Variants in ADGRB3 observed in about 807,000 individuals in gnomAD.
The protein encoded by ADGRB3 is adhesion G protein-coupled receptor B3.
ADGRB3 carries 37 observed loss-of-function variants against 193.4 expected under a neutral mutation model. The ratio of observed to expected loss-of-function variants is 0.19; its 90% CI spans 0.15 to 0.25. The LOEUF (loss-of-function observed/expected upper bound fraction) is 0.25, where lower values mean the gene tolerates loss of function less well. Ranked by LOEUF, ADGRB3 falls within the 10% of genes least tolerant of loss-of-function variation. The pLI, the probability that ADGRB3 is intolerant of heterozygous loss-of-function variation, is 1.00. For missense variants in ADGRB3, 1,637 were observed against 1,852.9 expected (o/e 0.88, Z 2.14); for synonymous variants, 690 against 644.2 (o/e 1.07, Z -1.08).
At chr6:69,244,050 T>A (rs1454602385) in intron 20 of ADGRB3, among the ~76,000 whole-genome samples, 1 of 151,958 alleles carries the variant, frequency 6.6e-6, no homozygotes, top group Non-Finnish European at 1.5e-5. Context: ...TCTAAATTAT[T>A]TGGGGTGGTC....
chr6:69,170,281 C>T (rs1775238291), intron 17 of ADGRB3, among the ~76,000 whole-genome samples: 4 of 152,222 alleles, frequency 2.6e-5, no homozygotes, highest in Admixed American at 2.6e-4. Context: ...GATAAAAAGC[C>T]TAGATCTAGA....
chr6:68,791,267 T>C (rs1197220624), intron 3 of ADGRB3, among the ~76,000 whole-genome samples: 1 of 152,158 alleles, frequency 6.6e-6, no homozygotes, highest in Non-Finnish European at 1.5e-5. Flanking sequence ...CCTGTGCCCA[T>C]ATGCACGTAA....
At chr6:68,860,623 A>T (rs1337419548) in intron 3 of ADGRB3, among the ~76,000 whole-genome samples, 1 of 152,210 alleles carries the variant, frequency 6.6e-6, no homozygotes, top group Non-Finnish European at 1.5e-5. Context: ...TATATGCCAC[A>T]TATTCTTTAT....
At chr6:68,646,804 AGT>A (rs1017413428) in intron 3 of ADGRB3, among the ~76,000 whole-genome samples, 4 of 152,146 alleles carry the variant, frequency 2.6e-5, no homozygotes, top group South Asian at 2.1e-4. Context: ...ATTGTGTAAG[AGT>A]GTGTGTGTTG....
At chr6:69,349,100 A>C (rs1161295080) in intron 26 of ADGRB3, among the ~76,000 whole-genome samples, 4 of 152,318 alleles carry the variant, frequency 2.6e-5, no homozygotes, top group Non-Finnish European at 5.9e-5. Flanking sequence ...CTTCTGTGAC[A>C]CTGAAATAAT....
chr6:68,994,969 T>C (rs1769342992), intron 11 of ADGRB3, among the ~76,000 whole-genome samples: 1 of 152,164 alleles, frequency 6.6e-6, no homozygotes, highest in South Asian at 2.1e-4. Flanking sequence ...TAAATAATAC[T>C]GACACCCTAA....
chr6:68,954,810 A>G (rs576342603), intron 6 of ADGRB3, among the ~76,000 whole-genome samples: 7 of 151,658 alleles, frequency 4.6e-5, no homozygotes, highest in African/African-American at 1.7e-4. Context: ...CTCCCGGAGT[A>G]GCTAGGACTA....
intron 3 of ADGRB3, among the ~76,000 whole-genome samples, chr6:68,734,228 A>C (rs1378974646): frequency 6.6e-6 from 1 of 152,012 alleles, no homozygotes; most frequent in Non-Finnish European, 1.5e-5. Flanking sequence ...GAGACATGAG[A>C]AAGAAGGAAC....
chr6:69,031,034 C>T (rs1225706827), intron 13 of ADGRB3, among the ~76,000 whole-genome samples: 1,997 of 45,432 alleles, frequency 0.044, 377 homozygotes, highest in Middle Eastern at 0.16. Flanking sequence ...TTCCTCTTCT[C>T]TTCTCTCTTC....
chr6:69,205,413 G>A (rs1182011186), intron 17 of ADGRB3, among the ~76,000 whole-genome samples: 1 of 148,856 alleles, frequency 6.7e-6, no homozygotes, highest in Non-Finnish European at 1.5e-5. Flanking sequence ...TTTTTTACCT[G>A]AGAAGATAGC....
chr6:69,252,180 T>G (rs1766638207), intron 20 of ADGRB3, among the ~76,000 whole-genome samples: 1 of 152,166 alleles, frequency 6.6e-6, no homozygotes, highest in Non-Finnish European at 1.5e-5. Flanking sequence ...TTCTGGCCTC[T>G]TTTGCTCAAT....
intron 3 of ADGRB3, among the ~76,000 whole-genome samples, chr6:68,919,181 G>A (rs1368403799): frequency 2.6e-5 from 4 of 151,964 alleles, no homozygotes; most frequent in Non-Finnish European, 4.4e-5. Context: ...TTTTCAAGCC[G>A]GCGTCCTATC....
chr6:69,063,276 T>C (rs1192481313), intron 16 of ADGRB3, among the ~76,000 whole-genome samples: 1 of 152,032 alleles, frequency 6.6e-6, no homozygotes, highest in Non-Finnish European at 1.5e-5. Flanking sequence ...GAATGGTTAT[T>C]CTATGCTTTT....
At position 69,360,868 on chromosome 6, in the gene ADGRB3, GTTCTTCATAAGGATA is replaced by G. The variant is rs1439577963; in HGVS notation, c.3598_3612del (p.Leu1200_Ile1204del). 6.3e-7 allele frequency: 1 copy of G among 1,584,470 alleles called. No individual in the cohort carries two copies. The highest frequency in any genetic ancestry group is 2.2e-5 in the East Asian group (1 of 44,568). ...CTTCAACTTTACATTCCTACTCACAGTTCTTCATAAGGATATTGGTCCTTGCCGAGCAGCCACAAT... is the reference window on the plus strand; with the variant it reads ...CTTCAACTTTACATTCCTACTCACAGTTGGTCCTTGCCGAGCAGCCACAAT... On this transcript the variant is annotated inframe_deletion and splice_region_variant, in exon 29 of 32. Transcript: ENST00000370598.
chr6:69,207,027 G>A (rs4295442), intron 17 of ADGRB3, among the ~76,000 whole-genome samples: 13,107 of 152,170 alleles, frequency 0.086, 1,518 homozygotes, highest in African/African-American at 0.26. Flanking sequence ...CCTCCACTGT[G>A]GAGTAGTAGA....
At chr6:68,993,101 TC>T (rs1769285288) in intron 10 of ADGRB3, among the ~76,000 whole-genome samples, 1 of 152,150 alleles carries the variant, frequency 6.6e-6, no homozygotes, top group Admixed American at 6.5e-5. Flanking sequence ...GCAGCACATT[TC>T]TCTGACCATC....
intron 20 of ADGRB3, among the ~76,000 whole-genome samples, chr6:69,261,074 G>C (rs1766914493): frequency 6.6e-6 from 1 of 151,980 alleles, no homozygotes; most frequent in African/African-American, 2.4e-5. Context: ...TTTACTACAG[G>C]CTTTTGTATT....
chr6:68,745,084 C>T (rs1385749502), intron 3 of ADGRB3, among the ~76,000 whole-genome samples: 2 of 152,102 alleles, frequency 1.3e-5, no homozygotes, highest in East Asian at 3.9e-4. Flanking sequence ...AGCAATCCCA[C>T]TTTTGGATAC....
At chr6:68,942,458 A>T (rs922072887) in intron 5 of ADGRB3, among the ~76,000 whole-genome samples, 2 of 152,184 alleles carry the variant, frequency 1.3e-5, no homozygotes, top group Non-Finnish European at 2.9e-5. Context: ...TAGAGGTCCA[A>T]CATCAAGACA....
Sources: allele counts gnomAD v4.1 joint callset (sites outside exome capture counted in the v4.1 genomes callset), GRCh38; gene constraint gnomAD v4.1.1; transcripts MANE v1.5; gene names NCBI Gene and HGNC (gene_info 2026-07-23, HGNC 2026-07-21).